Variants in PRPS1 observed in about 807,000 individuals in gnomAD.
PRPS1 encodes the protein ribose-phosphate pyrophosphokinase 1.
In PRPS1, 1 loss-of-function variant was observed where a neutral mutation model predicts 16.9. The ratio of observed to expected loss-of-function variants is 0.06; its 90% confidence interval spans 0.02 to 0.28. The LOEUF (loss-of-function observed/expected upper bound fraction) is 0.28. PRPS1 is among the 10% of genes least tolerant of loss of function. The probability of loss-of-function intolerance (pLI) is 1.00; values close to 1 mark genes in which losing one functional copy is unlikely to be tolerated. For missense variants in PRPS1, 47 were observed against 254.0 expected (o/e 0.19, Z 5.54); for synonymous variants, 70 against 90.2 (o/e 0.78, Z 1.27).
intron 1 of PRPS1, 92 bp downstream of exon 1, chrX:107,628,842 T>C (rs1384069807): frequency 2.7e-6 from 3 of 1,124,490 alleles, no homozygotes; most frequent in Non-Finnish European, 3.6e-6. Context: ...TCAAACAGAC[T>C]GGGGGTTGGG....
intron 1 of PRPS1, among the ~76,000 whole-genome samples, chrX:107,629,168 C>T (rs1270244686): frequency 1.8e-5 from 2 of 111,585 alleles, no homozygotes; most frequent in African/African-American, 6.5e-5. Context: ...TACCTGCGTA[C>T]TGAGCTCTCC....
chrX:107,636,464 T>C (rs1407505178), intron 1 of PRPS1: 3 of 112,873 alleles, frequency 2.7e-5, no homozygotes, highest in Non-Finnish European at 3.7e-5. Flanking sequence ...TTTTTTGTTC[T>C]GGCTGCCAGG....
chrX:107,640,378 C>G (rs928805802), intron 2 of PRPS1, among the ~76,000 whole-genome samples: 13 of 107,319 alleles, frequency 1.2e-4, no homozygotes, highest in African/African-American at 4.1e-4. Context: ...CATGCATGGA[C>G]TTTGCTATTT....
chrX:107,646,479 G>A lies in PRPS1; in HGVS notation c.705-1127G>A, dbSNP rs929769264. 3.6e-5 allele frequency among the ~76,000 whole-genome samples: 4 copies of A among 111,277 alleles called. No individual in the cohort carries two copies. In the East Asian group the frequency reaches 8.4e-4, roughly 23 times the overall value. The stretch of plus-strand genomic sequence containing the variant: ...TTGCACAGTGCCTGGCACATAATAG[G>A]TGCTAAAAAAAAATTGGGGTGAATG... On this transcript the variant is annotated intron_variant, in intron 5 of 6. Transcript: ENST00000372435.
chrX:107,642,513 T>A, intron 4 of PRPS1, 23 bp downstream of exon 4: 1 of 1,208,828 alleles, frequency 8.3e-7, no homozygotes, highest in Non-Finnish European at 1.1e-6. Flanking sequence ...TTAGTATTGT[T>A]CCCAATGTAC....
chrX:107,631,863 T>G (rs1048786369), intron 1 of PRPS1, among the ~76,000 whole-genome samples: 67 of 111,834 alleles, frequency 6.0e-4, no homozygotes, highest in African/African-American at 2.1e-3. Flanking sequence ...ATATTTTGTA[T>G]TTTTAGTAGA....
chrX:107,641,350 G>C (rs940365412), intron 3 of PRPS1, among the ~76,000 whole-genome samples: 28 of 111,599 alleles, frequency 2.5e-4, no homozygotes, highest in African/African-American at 8.1e-4. Context: ...GCCCATGACA[G>C]GTACTCATAG....
At chrX:107,647,119 T>G (rs910388850) in intron 5 of PRPS1, among the ~76,000 whole-genome samples, 6 of 112,856 alleles carry the variant, frequency 5.3e-5, no homozygotes, top group African/African-American at 1.9e-4. Context: ...TGGAGTTACC[T>G]TGAGGGGCAC....
At chrX:107,639,593 TTCTTAGGTATTACCCTA>T (rs1193576122) in intron 2 of PRPS1, 115 bp downstream of exon 2, 1 of 734,976 alleles carries the variant, frequency 1.4e-6, no homozygotes, top group African/African-American at 2.1e-5. Flanking sequence ...AAATCACCTT[TTCTTAGGTATTACCCTA>T]TCTTCAAAAC....
intron 1 of PRPS1, among the ~76,000 whole-genome samples, chrX:107,637,951 T>TA (rs1491397788): frequency 3.0e-3 from 283 of 95,523 alleles, no homozygotes; most frequent in African/African-American, 0.012. Context: ...TATATATATA[T>TA]TTTTTTGATA....
intron 2 of PRPS1, among the ~76,000 whole-genome samples, chrX:107,640,232 C>T (rs1925541542): frequency 9.0e-6 from 1 of 110,795 alleles, no homozygotes; most frequent in African/African-American, 3.3e-5. Flanking sequence ...GTCCCAGCTA[C>T]TCGGGAGGCA....
chrX:107,630,738 A>C (rs866881419), intron 1 of PRPS1, among the ~76,000 whole-genome samples: 1 of 95,929 alleles, frequency 1.0e-5, no homozygotes, highest in Non-Finnish European at 2.1e-5. Context: ...TTATTTAGGA[A>C]ACACACACAC....
intron 1 of PRPS1, among the ~76,000 whole-genome samples, chrX:107,637,946 A>AT (rs1190280079): frequency 1.2e-4 from 12 of 104,107 alleles, no homozygotes; most frequent in African/African-American, 3.9e-4. Context: ...ATATATATAT[A>AT]TATATTTTTT....
intron 6 of PRPS1, 90 bp from the exon 7 acceptor site, chrX:107,649,850 C>CACT: frequency 8.3e-7 from 1 of 1,202,649 alleles, no homozygotes. Context: ...AGAGGAAGGG[C>CACT]ACTTGCCTGG....
intron 4 of PRPS1, 184 bp downstream of exon 4, chrX:107,642,674 G>A (rs757533724): frequency 4.4e-5 from 22 of 497,934 alleles, no homozygotes; most frequent in South Asian, 2.2e-4. Flanking sequence ...GTTACTACTC[G>A]GAAGACAAGA....
At chrX:107,635,092 C>T (rs377248917) in intron 1 of PRPS1, among the ~76,000 whole-genome samples, 21 of 112,113 alleles carry the variant, frequency 1.9e-4, no homozygotes, top group Non-Finnish European at 3.2e-4. Flanking sequence ...CCGCCCGCCT[C>T]GGCCTCCCAA....
chrX:107,633,606 G>A (rs1925360678), intron 1 of PRPS1, among the ~76,000 whole-genome samples: 1 of 110,785 alleles, frequency 9.0e-6, no homozygotes, highest in Admixed American at 9.7e-5. Context: ...CAAGCCTTAT[G>A]TGATGTTAGA....
chrX:107,642,647 C>T, intron 4 of PRPS1, 157 bp downstream of exon 4: 1 of 629,144 alleles, frequency 1.6e-6, no homozygotes. Flanking sequence ...TTACCCTTTC[C>T]TCTTTTACTG....
chrX:107,644,720 G>A (rs780661486), intron 4 of PRPS1, among the ~76,000 whole-genome samples: 1 of 112,083 alleles, frequency 8.9e-6, no homozygotes, highest in East Asian at 2.8e-4. Flanking sequence ...AGAAGTCAAT[G>A]ATAGTTGCTT....
Sources: allele counts gnomAD v4.1 joint callset (sites outside exome capture counted in the v4.1 genomes callset), GRCh38; gene constraint gnomAD v4.1.1; transcripts MANE v1.5; gene names NCBI Gene and HGNC (gene_info 2026-07-23, HGNC 2026-07-21).